The following ANKRD62 variants were observed in gnomAD, a reference collection of about 807,000 sequenced individuals.
ANKRD62 encodes ankyrin repeat domain 62.
Under a neutral mutation model 98.8 loss-of-function variants are expected in ANKRD62, and 61 were observed. The observed-to-expected ratio is 0.62, with a 90% CI of 0.50 to 0.76. The LOEUF is 0.76. Ranked by LOEUF, ANKRD62 falls within the 30% of genes least tolerant of loss-of-function variation. ANKRD62 has a pLI of 0.00. For synonymous variants in ANKRD62, 341 were observed against 367.9 expected (o/e 0.93, Z 0.84); for missense variants, 933 against 1,082.9 (o/e 0.86, Z 1.94).
intron 13 of ANKRD62, 127 bp from the exon 14 acceptor site, chr18:12,127,621 G>A: frequency 3.2e-6 from 2 of 628,940 alleles, no homozygotes; most frequent in Non-Finnish European, 4.8e-6. Context: ...GTGTACACAT[G>A]AGGAGGAGAA....
At position 12,109,702 on chromosome 18, in the gene ANKRD62, C is replaced by A. The variant is rs190166299; in HGVS notation, c.1064+2235C>A. 4.0e-3 allele frequency among the ~76,000 whole-genome samples: 601 copies of A among 152,088 alleles called. 2 individuals carry two copies. Among genetic ancestry groups the A allele is most frequent in the Non-Finnish European group, 5.0e-3 (339 of 68,000 alleles). On this transcript the variant is annotated intron_variant, in intron 8 of 13. Transcript: ENST00000587848. The stretch of plus-strand genomic sequence containing the variant: ...TATAAATATTTACAATATTGCTAAA[C>A]GTTATCGAAGTATATCAAAGGACCT...
chr18:12,102,606 T>G (rs1909327943), intron 6 of ANKRD62: 1 of 512,642 alleles, frequency 2.0e-6, no homozygotes, highest in African/African-American at 2.0e-5. Context: ...ACTGTTTGTC[T>G]GGGGAAAGAG....
rs1388762304 is a variant in ANKRD62, at chr18:12,096,234, A to AAAAG, written c.548_551dup (p.Gln185ArgfsTer19). The AAAAG allele has an allele frequency of 6.5e-7, 1 of 1,536,136 alleles. No homozygotes were observed. The highest frequency in any genetic ancestry group is 1.2e-5 in the South Asian group (1 of 83,232). On this transcript the variant is annotated frameshift_variant, in exon 4 of 14. Coordinates refer to ENST00000587848, the MANE Select transcript of ANKRD62 (RefSeq NM_001277333.2). LOFTEE classifies it high-confidence loss of function. The stretch of plus-strand genomic sequence containing the variant: ...CACTTTTACTCGCTGTAAATAGGAA[A>AAAAG]AAAGAGCAAATGGTGGCATTTTTGT...
At chr18:12,130,307 A>T (rs116292754), downstream of ANKRD62, among the ~76,000 whole-genome samples, 2,876 of 152,220 alleles carry the variant, frequency 0.019, 84 homozygotes, top group African/African-American at 0.065. Flanking sequence ...TTTAAAAAAA[A>T]TTATGTCTGA....
chr18:12,129,331 A>T lies in ANKRD62; in HGVS notation c.*1392A>T, dbSNP rs1598739733. The T allele has an allele frequency of 1.3e-5, 2 of 152,200 alleles. No individual in the cohort carries two copies. 9.4% of individuals were successfully genotyped at this position (152,200 alleles called of 1,614,324 possible). ...AAAGGGCCAAGTAGTATTATTTGAGACTTTGTGAGCCATAAGATCCCTGTT... is the reference window on the plus strand; with the variant it reads ...AAAGGGCCAAGTAGTATTATTTGAGTCTTTGTGAGCCATAAGATCCCTGTT... On this transcript the variant is annotated 3_prime_UTR_variant, in exon 14 of 14. Coordinates refer to ENST00000587848, the MANE Select transcript of ANKRD62 (RefSeq NM_001277333.2).
rs1001183768 is a variant in ANKRD62, at chr18:12,126,124, A to G, written c.2303A>G (p.Lys768Arg). The change falls in exon 13 of 14, where the codon AAG becomes AGG. Residue 768 changes from lysine to arginine, a missense_variant. Physicochemically the swap from Lys to Arg is conservative, Grantham distance 26. Around this residue, in one of 3 missense-constraint regions of ANKRD62, gnomAD observed 362 missense variants for 434.5 expected, o/e 0.83. Coordinates refer to ENST00000587848, the MANE Select transcript of ANKRD62 (RefSeq NM_001277333.2). ...DQPILEKYVR[K>R]QQSVEDGLFQ... ...CCTATTTTGGAAAAATACGTGAGAAAGCAGCAATCTGTAGAGGATGGACTA... is the reference window on the plus strand; with the variant it reads ...CCTATTTTGGAAAAATACGTGAGAAGGCAGCAATCTGTAGAGGATGGACTA... The G allele has an allele frequency of 2.6e-6, 4 of 1,536,146 alleles. No homozygotes were observed. In the South Asian group the frequency reaches 3.6e-5, roughly 14 times the overall value.
At chr18:12,097,175 CAT>C (rs1246595809) in intron 4 of ANKRD62, among the ~76,000 whole-genome samples, 1 of 152,110 alleles carries the variant, frequency 6.6e-6, no homozygotes, top group Non-Finnish European at 1.5e-5. Context: ...CAGTGCCTCG[CAT>C]ATGATTATCA....
the ANKRD62 span, among the ~76,000 whole-genome samples, chr18:12,135,608 G>A: frequency 8.6e-5 from 13 of 151,604 alleles, no homozygotes; most frequent in Admixed American, 2.6e-4. Flanking sequence ...GATCCCTGAG[G>A]AATCGCCACA....
intron 6 of ANKRD62, chr18:12,102,751 C>T (rs1442515929): frequency 2.0e-6 from 2 of 1,001,452 alleles, no homozygotes; most frequent in Non-Finnish European, 2.4e-6. Context: ...TTGGAAGTTA[C>T]TCATAATAAG....
the ANKRD62 span, among the ~76,000 whole-genome samples, chr18:12,135,510 C>T: frequency 3.3e-5 from 5 of 151,460 alleles, no homozygotes; most frequent in East Asian, 1.9e-4. Flanking sequence ...CATACGTGTG[C>T]GTGTGTCTTT....
chr18:12,096,371 C>T, intron 4 of ANKRD62, 69 bp downstream of exon 4: 1 of 812,826 alleles, frequency 1.2e-6, no homozygotes, highest in Non-Finnish European at 1.8e-6. Context: ...AGTCACTTGT[C>T]AGAAATATTA....
intron 12 of ANKRD62, 23 bp from the exon 13 acceptor site, chr18:12,125,437 A>G: frequency 7.0e-7 from 1 of 1,432,884 alleles, no homozygotes; most frequent in Non-Finnish European, 9.1e-7. Flanking sequence ...GTGCTAGTTG[A>G]GAGTTTTCTT....
At chr18:12,127,354 A>G (rs1176667612) in intron 13 of ANKRD62, among the ~76,000 whole-genome samples, 1 of 152,196 alleles carries the variant, frequency 6.6e-6, no homozygotes, top group Non-Finnish European at 1.5e-5. Flanking sequence ...GAAGGATTTG[A>G]GCTGGTGACT....
chr18:12,125,449 G>GTTTTAT lies in ANKRD62; in HGVS notation c.1639-8_1639-3dup. ...TGGGTGCTAGTTGAGAGTTTTCTTT[G>GTTTTAT]TTTTATTTAGAATTTTCATACTCAT... On this transcript the variant is annotated splice_polypyrimidine_tract_variant and intron_variant, in intron 12 of 13. Coordinates refer to ENST00000587848, the MANE Select transcript of ANKRD62 (RefSeq NM_001277333.2). 2.1e-6 allele frequency: 3 copies of GTTTTAT among 1,438,564 alleles called. No homozygotes were observed. The highest frequency in any genetic ancestry group is 2.7e-6 in the Non-Finnish European group (3 of 1,105,590). The allele number at this position is 1,438,564 out of a possible 1,614,324, so 89.1% of individuals were successfully genotyped here. A position where few individuals can be genotyped will look rare whatever the true frequency, so the allele number is the denominator to read the frequency against.
intron 7 of ANKRD62, 102 bp from the exon 8 acceptor site, chr18:12,107,193 T>C: frequency 1.8e-6 from 1 of 551,522 alleles, no homozygotes. Flanking sequence ...TCATGACTAA[T>C]ATGACAGACT....
At chr18:12,096,326 A>G (rs899449188) in intron 4 of ANKRD62, 24 bp downstream of exon 4, 5 of 1,404,942 alleles carry the variant, frequency 3.6e-6, no homozygotes, top group African/African-American at 1.4e-5. Flanking sequence ...TTTTTTGTTC[A>G]TTTTTAAACC....
At chr18:12,138,311 G>A in the ANKRD62 span, among the ~76,000 whole-genome samples, 17 of 152,242 alleles carry the variant, frequency 1.1e-4, no homozygotes, top group African/African-American at 4.1e-4. Context: ...GTACCCAGTA[G>A]TCATTCAGGA....
chr18:12,132,540 A>G (rs1330311254), downstream of ANKRD62, among the ~76,000 whole-genome samples: 1 of 152,012 alleles, frequency 6.6e-6, no homozygotes, highest in East Asian at 1.9e-4. Flanking sequence ...AAGTGGTAAG[A>G]GCTGACATGC....
In ANKRD62 at chr18:12,126,164, C is replaced by T; in HGVS notation, c.2343C>T (p.Ser781=). The change falls in exon 13 of 14, where the codon AGC becomes AGT. Residue 781 remains serine, a synonymous_variant. Transcript: ENST00000587848. ...AGGATGGACTATTTCAACTACAAAG[C>T]CAAAATCTGTTGTATCAACAGCAGT... The part of the protein sequence containing the change: ...SVEDGLFQLQ[S]QNLLYQQQCN... The T allele has an allele frequency of 6.5e-7, 1 of 1,536,014 alleles. No individual in the cohort carries two copies. The highest frequency in any genetic ancestry group is 8.7e-7 in the Non-Finnish European group (1 of 1,146,842).
Sources: gnomAD v4.1 joint callset for allele counts (sites outside exome capture counted in the v4.1 genomes callset) on GRCh38, gnomAD v4.1.1 for gene constraint, gnomAD v4.1.1 regional missense constraint, MANE v1.5 for transcripts, NCBI Gene and HGNC (gene_info 2026-07-23, HGNC 2026-07-21) for gene names.